Variants in EDIL3 observed in about 807,000 individuals in gnomAD.
EDIL3 encodes the protein EGF like and discoidin domains 3.
EDIL3 carries 37 observed loss-of-function variants against 67.4 expected under a neutral mutation model. That is an observed-to-expected ratio of 0.55 (90% CI 0.42 to 0.72). The LOEUF (loss-of-function observed/expected upper bound fraction) is 0.72. Ranked by LOEUF, EDIL3 falls within the 30% of genes least tolerant of loss-of-function variation. The pLI is 0.00. For synonymous variants in EDIL3, 195 were observed against 196.3 expected, an observed-to-expected ratio of 0.99 and a Z score of 0.05; for missense variants, 527 against 586.3, an observed-to-expected ratio of 0.90 and a Z score of 1.04.
intron 1 of EDIL3, among the ~76,000 whole-genome samples, chr5:84,263,612 A>C (rs1336953203): frequency 1.1e-4 from 17 of 152,114 alleles, no homozygotes; most frequent in Admixed American, 1.1e-3. Flanking sequence ...GAAAAATGGT[A>C]ATGGTAAAGG....
Position 84,312,342 on chromosome 5 carries a change from C to A in EDIL3, c.68-58130G>T, listed in dbSNP as rs867159482. Among the ~76,000 whole-genome samples, 73 of 146,630 alleles carry A rather than the reference C, an allele frequency of 5.0e-4. 2 individuals are homozygous for A. The highest frequency in any genetic ancestry group is 1.3e-3 in the South Asian group (6 of 4,676). ...GCTGGCCGGGTGGGGGGCTGACCCC[C>A]CCACCTCCCTCCCGGACGGGGCGGC... On this transcript the variant is annotated intron_variant, in intron 1 of 10. Coordinates refer to ENST00000296591, the MANE Select transcript of EDIL3 (RefSeq NM_005711.5).
At chr5:84,055,612 GA>G (rs1194014414) in intron 9 of EDIL3, among the ~76,000 whole-genome samples, 6 of 151,764 alleles carry the variant, frequency 4.0e-5, no homozygotes, top group Non-Finnish European at 8.8e-5. Context: ...AAATTTACAA[GA>G]AAAAAACAAA....
chr5:84,088,834 A>T (rs1225236428), intron 6 of EDIL3, among the ~76,000 whole-genome samples: 1 of 152,212 alleles, frequency 6.6e-6, no homozygotes, highest in Non-Finnish European at 1.5e-5. Context: ...CTTTAATTAA[A>T]TATATCAGTT....
intron 1 of EDIL3, among the ~76,000 whole-genome samples, chr5:84,295,203 A>G (rs1333821414): frequency 6.6e-6 from 1 of 152,118 alleles, no homozygotes; most frequent in South Asian, 2.1e-4. Flanking sequence ...TTTTGATTAC[A>G]TAACTTTTAA....
At chr5:83,974,837 T>C (rs1032757157) in intron 9 of EDIL3, among the ~76,000 whole-genome samples, 5 of 152,056 alleles carry the variant, frequency 3.3e-5, no homozygotes, top group African/African-American at 1.2e-4. Context: ...TTCCATTTGC[T>C]TTGTTCTCTG....
chr5:84,159,445 AC>A (rs1318278950), intron 4 of EDIL3, among the ~76,000 whole-genome samples: 3 of 151,922 alleles, frequency 2.0e-5, no homozygotes, highest in Non-Finnish European at 4.4e-5. Context: ...TTTATTGGTT[AC>A]TCTTATAAGT....
rs1257759986 is a variant in EDIL3 at position 83,942,378 on chromosome 5, A to C, written c.*1041T>G. 1.3e-5 allele frequency: 2 copies of C among 152,066 alleles called. No homozygotes were observed. The highest frequency in any genetic ancestry group is 1.3e-4 in the Admixed American group (2 of 15,246). 9.4% of individuals were successfully genotyped at this position (152,066 alleles called of 1,614,324 possible). ...CAATAAGATGTTAGTTTCACAGGAA[A>C]TGTGGAGCTGAACAAAGAAATGATG... On this transcript the variant is annotated 3_prime_UTR_variant, in exon 11 of 11. Transcript: ENST00000296591.
At chr5:83,944,003 G>C (rs1301308139) in intron 10 of EDIL3, among the ~76,000 whole-genome samples, 1 of 152,038 alleles carries the variant, frequency 6.6e-6, no homozygotes, top group Non-Finnish European at 1.5e-5. Flanking sequence ...AGGGGAGGGA[G>C]AGTTAGCAGA....
At chr5:84,021,195 C>CT (rs534223164) in intron 9 of EDIL3, among the ~76,000 whole-genome samples, 1 of 150,994 alleles carries the variant, frequency 6.6e-6, no homozygotes, top group African/African-American at 2.4e-5. Context: ...TTTTGTGATC[C>CT]TTTTTTTTCA....
intron 9 of EDIL3, among the ~76,000 whole-genome samples, chr5:83,989,187 GCTT>G (rs1489190567): frequency 6.6e-6 from 1 of 152,100 alleles, no homozygotes; most frequent in Non-Finnish European, 1.5e-5. Context: ...TATAATTCCT[GCTT>G]CATTTTAATA....
chr5:84,305,328 A>T (rs1349864324), intron 1 of EDIL3, among the ~76,000 whole-genome samples: 1 of 152,202 alleles, frequency 6.6e-6, no homozygotes. Context: ...TCTTTGGACC[A>T]CTGTGCAACT....
intron 1 of EDIL3, among the ~76,000 whole-genome samples, chr5:84,323,587 A>C (rs1271653114): frequency 1.3e-5 from 2 of 151,930 alleles, no homozygotes; most frequent in Non-Finnish European, 2.9e-5. Flanking sequence ...CTTTAAATGC[A>C]AATGGATTGA....
intron 1 of EDIL3, among the ~76,000 whole-genome samples, chr5:84,347,009 A>T (rs1344249046): frequency 2.0e-5 from 3 of 152,180 alleles, no homozygotes; most frequent in African/African-American, 7.2e-5. Flanking sequence ...TGCCTCTTGC[A>T]TGCAACAAGT....
At chr5:84,045,413 A>T (rs1032714394) in intron 9 of EDIL3, among the ~76,000 whole-genome samples, 1 of 152,196 alleles carries the variant, frequency 6.6e-6, no homozygotes, top group Non-Finnish European at 1.5e-5. Flanking sequence ...CAAGAGCAGC[A>T]TAAAGATTCT....
At chr5:84,119,605 A>G (rs1481766382) in intron 5 of EDIL3, among the ~76,000 whole-genome samples, 3 of 152,104 alleles carry the variant, frequency 2.0e-5, no homozygotes, top group Admixed American at 1.3e-4. Flanking sequence ...ACTTTTCTTC[A>G]TTGTGGTACA....
At chr5:84,075,888 A>ATG (rs1554066715) in intron 6 of EDIL3, among the ~76,000 whole-genome samples, 7 of 52,662 alleles carry the variant, frequency 1.3e-4, no homozygotes, top group African/African-American at 4.0e-4. Context: ...AAAAGTGTGC[A>ATG]CGCACACACA....
intron 1 of EDIL3, among the ~76,000 whole-genome samples, chr5:84,295,187 A>G (rs1746021817): frequency 6.6e-6 from 1 of 152,134 alleles, no homozygotes; most frequent in African/African-American, 2.4e-5. Context: ...AATTAAAGAA[A>G]AATATTTTTG....
At chr5:84,088,370 T>A (rs141681092) in intron 6 of EDIL3, among the ~76,000 whole-genome samples, 1 of 152,220 alleles carries the variant, frequency 6.6e-6, no homozygotes, top group African/African-American at 2.4e-5. Context: ...TTTAAATGTC[T>A]GGGTTTTTTG....
intron 4 of EDIL3, among the ~76,000 whole-genome samples, chr5:84,150,852 T>C (rs753704018): frequency 3.3e-5 from 5 of 152,152 alleles, no homozygotes; most frequent in African/African-American, 7.2e-5. Flanking sequence ...ATTACTATAG[T>C]AATAACCCCA....
Sources: allele counts gnomAD v4.1 joint callset (sites outside exome capture counted in the v4.1 genomes callset), GRCh38; gene constraint gnomAD v4.1.1; transcripts MANE v1.5; gene names NCBI Gene and HGNC (gene_info 2026-07-23, HGNC 2026-07-21).